Variants in PTN observed in about 807,000 individuals in gnomAD.
PTN encodes the protein heparin affin regulatory protein.
PTN carries 18 observed loss-of-function variants against 24.1 expected under a neutral mutation model. The ratio of observed to expected loss-of-function variants is 0.75; its 90% confidence interval spans 0.52 to 1.11. The LOEUF (loss-of-function observed/expected upper bound fraction) is 1.11, where lower values mean the gene tolerates loss of function less well. PTN is among the 50% of genes least tolerant of loss of function. The pLI, the probability that PTN is intolerant of heterozygous loss-of-function variation, is 0.00. For missense variants in PTN, 163 were observed against 198.8 expected (o/e 0.82, Z 1.08); for synonymous variants, 78 against 68.6 (o/e 1.14, Z -0.67).
intron 1 of PTN, among the ~76,000 whole-genome samples, chr7:137,322,086 C>T (rs553899542): frequency 2.6e-5 from 4 of 152,124 alleles, no homozygotes; most frequent in South Asian, 2.1e-4. Context: ...TTCCCTCGTA[C>T]GTAGACTCAT....
At chr7:137,288,405 G>T (rs1035296691) in intron 1 of PTN, among the ~76,000 whole-genome samples, 5 of 152,130 alleles carry the variant, frequency 3.3e-5, no homozygotes, top group African/African-American at 1.2e-4. Context: ...CAGTTCTCAG[G>T]AGACGTGAAA....
chr7:137,325,235 T>C (rs960884141), intron 1 of PTN: 1 of 152,216 alleles, frequency 6.6e-6, no homozygotes, highest in Non-Finnish European at 1.5e-5. Flanking sequence ...CTGTCTCTTC[T>C]GGCTGATAAT....
chr7:137,342,182 C>A (rs1810544757), intron 1 of PTN, among the ~76,000 whole-genome samples: 1 of 152,126 alleles, frequency 6.6e-6, no homozygotes, highest in South Asian at 2.1e-4. Flanking sequence ...CCTGCTGTTT[C>A]ATCAATTCCA....
At chr7:137,293,915 T>C (rs550477651) in intron 1 of PTN, among the ~76,000 whole-genome samples, 49 of 152,278 alleles carry the variant, frequency 3.2e-4, no homozygotes, top group African/African-American at 1.2e-3. Context: ...AAAGACTGTC[T>C]GTGCTATGAC....
At chr7:137,318,944 T>G (rs929054521) in intron 1 of PTN, 3 of 152,246 alleles carry the variant, frequency 2.0e-5, no homozygotes, top group Non-Finnish European at 4.4e-5. Flanking sequence ...ATTCTTTGTC[T>G]GCTTTCTGGC....
At chr7:137,245,158 C>A (rs1404838277) in intron 4 of PTN, among the ~76,000 whole-genome samples, 1 of 152,026 alleles carries the variant, frequency 6.6e-6, no homozygotes, top group Non-Finnish European at 1.5e-5. Flanking sequence ...AGGAAGTAAG[C>A]AAAGAAGTTC....
intron 4 of PTN, among the ~76,000 whole-genome samples, chr7:137,243,366 T>C (rs1808666339): frequency 1.3e-5 from 2 of 152,154 alleles, no homozygotes; most frequent in Admixed American, 1.3e-4. Flanking sequence ...GAGACCCAAC[T>C]CTCTGTACAA....
At chr7:137,243,933 T>G (rs981861223) in intron 4 of PTN, among the ~76,000 whole-genome samples, 5 of 152,206 alleles carry the variant, frequency 3.3e-5, no homozygotes, top group African/African-American at 1.2e-4. Context: ...TTCCTGGTCT[T>G]GCGGCATCCA....
chr7:137,310,409 T>G (rs1431332862), intron 1 of PTN, among the ~76,000 whole-genome samples: 101 of 150,524 alleles, frequency 6.7e-4, no homozygotes, highest in Non-Finnish European at 1.2e-3. Context: ...TTTTTGTTTT[T>G]TTTTTTTTTG....
chr7:137,276,624 T>A (rs1809363605), intron 1 of PTN, among the ~76,000 whole-genome samples: 1 of 152,230 alleles, frequency 6.6e-6, no homozygotes, highest in Non-Finnish European at 1.5e-5. Flanking sequence ...TGTCCCTTGC[T>A]GCCTGTCTGT....
intron 4 of PTN, among the ~76,000 whole-genome samples, chr7:137,241,458 C>T (rs1808627035): frequency 6.6e-6 from 1 of 152,110 alleles, no homozygotes. Flanking sequence ...CCATAATTCT[C>T]CTTTTGCCTG....
At chr7:137,339,087 TA>T (rs1810493267) in intron 1 of PTN, among the ~76,000 whole-genome samples, 1 of 151,892 alleles carries the variant, frequency 6.6e-6, no homozygotes, top group South Asian at 2.1e-4. Flanking sequence ...AGGAAAACAT[TA>T]AGACAATAAC....
intron 1 of PTN, among the ~76,000 whole-genome samples, chr7:137,316,914 T>G (rs1412128698): frequency 6.6e-6 from 1 of 152,182 alleles, no homozygotes; most frequent in Non-Finnish European, 1.5e-5. Context: ...CAGCCACCCC[T>G]CGGTGCTGGA....
At chr7:137,302,010 C>T (rs1809814534) in intron 1 of PTN, among the ~76,000 whole-genome samples, 2 of 151,728 alleles carry the variant, frequency 1.3e-5, no homozygotes, top group Non-Finnish European at 2.9e-5. Context: ...GCATTCTTTT[C>T]AAGAAATCAA....
chr7:137,256,978 A>C (rs1808938356), intron 1 of PTN, among the ~76,000 whole-genome samples: 1 of 152,236 alleles, frequency 6.6e-6, no homozygotes, highest in Non-Finnish European at 1.5e-5. Context: ...CAAGCCAGTC[A>C]GAATGGCAAT....
intron 1 of PTN, among the ~76,000 whole-genome samples, chr7:137,284,551 C>A (rs1408058393): frequency 6.6e-6 from 1 of 152,036 alleles, no homozygotes; most frequent in Non-Finnish European, 1.5e-5. Context: ...TCATTTAGTT[C>A]TCTGAGAAAG....
chr7:137,256,590 A>G (rs1053288474), intron 1 of PTN, among the ~76,000 whole-genome samples: 17 of 152,148 alleles, frequency 1.1e-4, no homozygotes, highest in African/African-American at 3.6e-4. Context: ...GGTTGGTTCA[A>G]TGGCTTTGCT....
intron 4 of PTN, among the ~76,000 whole-genome samples, 161 bp downstream of exon 4, chr7:137,251,069 A>G (rs572761801): frequency 1.3e-5 from 2 of 152,344 alleles, no homozygotes; most frequent in East Asian, 3.9e-4. Context: ...CCTGCTTCAA[A>G]GTATTTTTAA....
At chr7:137,261,966 G>A (rs1383700097) in intron 1 of PTN, among the ~76,000 whole-genome samples, 1 of 152,196 alleles carries the variant, frequency 6.6e-6, no homozygotes, top group Non-Finnish European at 1.5e-5. Flanking sequence ...ACAGAAAGGT[G>A]TAGGGAAGTT....
Sources: allele counts gnomAD v4.1 joint callset (sites outside exome capture counted in the v4.1 genomes callset), GRCh38; gene constraint gnomAD v4.1.1; transcripts MANE v1.5; gene names NCBI Gene and HGNC (gene_info 2026-07-23, HGNC 2026-07-21).